Variants in DMD observed in about 807,000 individuals in gnomAD.
The protein encoded by DMD is dystrophin.
Under a neutral mutation model 330.1 loss-of-function variants are expected in DMD, and 63 were observed. The ratio of observed to expected loss-of-function variants is 0.19; its 90% CI spans 0.16 to 0.24. The LOEUF is 0.24. DMD is among the 10% of genes least tolerant of loss of function. The pLI, the probability that DMD is intolerant of heterozygous loss-of-function variation, is 1.00. For synonymous variants in DMD, 1,223 were observed against 959.8 expected, an observed-to-expected ratio of 1.27 and a Z score of -5.07; for missense variants, 3,344 against 2,684.1, an observed-to-expected ratio of 1.25 and a Z score of -5.43.
At chrX:32,861,528 G>A (rs2082073136) in intron 2 of DMD, among the ~76,000 whole-genome samples, 1 of 111,824 alleles carries the variant, frequency 8.9e-6, no homozygotes, top group African/African-American at 3.3e-5. Flanking sequence ...TTATAAAAAT[G>A]AGGGAAGGTA....
At chrX:32,622,556 C>A (rs1316219479) in intron 11 of DMD, among the ~76,000 whole-genome samples, 1 of 111,539 alleles carries the variant, frequency 9.0e-6, no homozygotes, top group Non-Finnish European at 1.9e-5. Context: ...GATTCAGCAA[C>A]CCTAAACCTT....
intron 1 of DMD, among the ~76,000 whole-genome samples, chrX:33,240,339 C>A (rs967626895): frequency 1.8e-5 from 2 of 111,903 alleles, no homozygotes; most frequent in African/African-American, 6.5e-5. Flanking sequence ...CTCTGCCTGG[C>A]TTATTTAACT....
intron 7 of DMD, among the ~76,000 whole-genome samples, chrX:32,699,668 T>G (rs754749355): frequency 2.0e-4 from 22 of 111,766 alleles, no homozygotes; most frequent in Non-Finnish European, 3.4e-4. Flanking sequence ...TCAATTCAAA[T>G]GGTGCACTGG....
chrX:33,158,369 A>G (rs780191127), intron 1 of DMD, among the ~76,000 whole-genome samples: 1 of 111,174 alleles, frequency 9.0e-6, no homozygotes, highest in East Asian at 2.9e-4. Flanking sequence ...TCAGAAACCT[A>G]GTGTGGCTCT....
chrX:32,686,946 G>T (rs2062927742), intron 9 of DMD, among the ~76,000 whole-genome samples: 3 of 111,489 alleles, frequency 2.7e-5, no homozygotes, highest in African/African-American at 6.5e-5. Flanking sequence ...TGTAATCTTA[G>T]GTACATGACT....
intron 9 of DMD, among the ~76,000 whole-genome samples, chrX:32,696,352 A>G (rs1029496776): frequency 4.5e-5 from 5 of 112,216 alleles, no homozygotes; most frequent in Non-Finnish European, 7.5e-5. Context: ...TTAGTGACAG[A>G]ATATATCATT....
At chrX:32,335,371 T>C (rs1019697184) in intron 41 of DMD, among the ~76,000 whole-genome samples, 60 of 105,704 alleles carry the variant, frequency 5.7e-4, no homozygotes, top group Non-Finnish European at 5.8e-4. Context: ...TGGCTAATTT[T>C]ATATATAAAA....
intron 67 of DMD, among the ~76,000 whole-genome samples, chrX:31,201,173 A>ACG (rs2043411515): frequency 9.4e-6 from 1 of 106,737 alleles, no homozygotes; most frequent in Non-Finnish European, 1.9e-5. Context: ...ACACACACAC[A>ACG]CACACACACA....
chrX:31,756,037 C>A (rs2738302), intron 51 of DMD, among the ~76,000 whole-genome samples: 10,962 of 109,280 alleles, frequency 0.1, 423 homozygotes, highest in Middle Eastern at 0.14. Context: ...AGAGAGAGAG[C>A]GAGAGATTGA....
chrX:32,623,292 C>T (rs1443986700), intron 11 of DMD, among the ~76,000 whole-genome samples: 1 of 111,294 alleles, frequency 9.0e-6, no homozygotes, highest in Non-Finnish European at 1.9e-5. Context: ...AAGGCTGAAC[C>T]AGAGGAAGAA....
chrX:32,561,203 C>A (rs2050959973), intron 16 of DMD, among the ~76,000 whole-genome samples: 1 of 111,569 alleles, frequency 9.0e-6, no homozygotes, highest in Non-Finnish European at 1.9e-5. Context: ...TAATAACAAA[C>A]TTCCCTGAGC....
intron 9 of DMD, among the ~76,000 whole-genome samples, chrX:32,652,937 G>T (rs1333097859): frequency 3.6e-5 from 4 of 111,971 alleles, no homozygotes; most frequent in Admixed American, 9.5e-5. Flanking sequence ...TTTTTCATGT[G>T]TCTGTTGGCT....
intron 1 of DMD, among the ~76,000 whole-genome samples, chrX:33,101,195 T>C (rs2095234846): frequency 8.9e-6 from 1 of 112,585 alleles, no homozygotes; most frequent in African/African-American, 3.2e-5. Flanking sequence ...AATGTCCTAC[T>C]AAAGCTAGGA....
intron 60 of DMD, among the ~76,000 whole-genome samples, chrX:31,389,159 A>G (rs1330675693): frequency 8.9e-6 from 1 of 112,117 alleles, no homozygotes; most frequent in Non-Finnish European, 1.9e-5. Flanking sequence ...CAGCTGACTT[A>G]TTCATTATCT....
intron 67 of DMD, among the ~76,000 whole-genome samples, chrX:31,193,115 G>A (rs2042549134): frequency 9.0e-6 from 1 of 111,244 alleles, no homozygotes; most frequent in Non-Finnish European, 1.9e-5. Flanking sequence ...GACAGGTGCG[G>A]GTCCATATAT....
chrX:33,069,630 A>C (rs1315042664), intron 1 of DMD, among the ~76,000 whole-genome samples: 1 of 111,844 alleles, frequency 8.9e-6, no homozygotes, highest in African/African-American at 3.2e-5. Context: ...TTTTGGGAAA[A>C]TGAGCAATAA....
At chrX:31,588,334 G>A (rs1054799938) in intron 55 of DMD, among the ~76,000 whole-genome samples, 5 of 110,752 alleles carry the variant, frequency 4.5e-5, no homozygotes, top group Non-Finnish European at 9.5e-5. Flanking sequence ...TCCAAAGTCC[G>A]TATCCCCAAC....
chrX:32,205,294 CA>C (rs68052197), intron 44 of DMD, among the ~76,000 whole-genome samples: 5,677 of 104,867 alleles, frequency 0.054, 413 homozygotes, highest in African/African-American at 0.19. Flanking sequence ...TCCATGCATC[CA>C]ACACGCTTAC....
At chrX:31,341,883 G>GACACACACA (rs1491287928) in intron 61 of DMD, among the ~76,000 whole-genome samples, 4 of 53,409 alleles carry the variant, frequency 7.5e-5, no homozygotes, top group African/African-American at 1.1e-4. Context: ...GCGCGTGCGT[G>GACACACACA]CGCGCGCGCA....
Sources: gnomAD v4.1 joint callset for allele counts (sites outside exome capture counted in the v4.1 genomes callset) on GRCh38, gnomAD v4.1.1 for gene constraint, MANE v1.5 for transcripts, NCBI Gene and HGNC (gene_info 2026-07-23, HGNC 2026-07-21) for gene names.